CPAMD8: variants seen among roughly 807,000 people sequenced by gnomAD.
The protein encoded by CPAMD8 is C3 and PZP like alpha-2-macroglobulin domain containing 8, also known as C3 and PZP-like alpha-2-macroglobulin domain-containing protein 8.
Under a neutral mutation model 224.7 loss-of-function variants are expected in CPAMD8, and 146 were observed. That is an observed-to-expected ratio of 0.65 (90% CI 0.57 to 0.75). The LOEUF is 0.75. Among genes scored for constraint, CPAMD8 ranks in the 30% least tolerant of loss-of-function variants. CPAMD8 has a pLI of 0.00. For missense variants in CPAMD8, 2,301 were observed against 2,537.5 expected (o/e 0.91, Z 2.00); for synonymous variants, 966 against 1,044.6 (o/e 0.92, Z 1.45).
chr19:16,895,389 T>C (rs1463817334), intron 41 of CPAMD8: 5 of 158,180 alleles, frequency 3.2e-5, no homozygotes, highest in Admixed American at 3.0e-4. Flanking sequence ...AAACTATGGA[T>C]ACACGAAACA....
rs779697866 is a variant in CPAMD8 at position 16,971,053 on chromosome 19, C to G, written c.2071-20G>C. 2 of 1,581,180 alleles carry G rather than the reference C, an allele frequency of 1.3e-6. No homozygotes were observed. Among genetic ancestry groups the G allele is most frequent in the Non-Finnish European group, 1.7e-6 (2 of 1,162,714 alleles). On this transcript the variant is annotated intron_variant, in intron 17 of 41. Transcript: ENST00000443236. ...CGTTTCCTAGGCAACAGACAACACC[C>G]AAACCATTGGTGGGGAAGTGGATGC...
At chr19:16,962,307 G>C (rs534454644) in intron 18 of CPAMD8, among the ~76,000 whole-genome samples, 1 of 152,154 alleles carries the variant, frequency 6.6e-6, no homozygotes, top group Non-Finnish European at 1.5e-5. Context: ...AAGGTTAGAC[G>C]AATGGCTAAC....
At chr19:17,000,042 T>C (rs981470373) in intron 10 of CPAMD8, among the ~76,000 whole-genome samples, 4 of 152,234 alleles carry the variant, frequency 2.6e-5, no homozygotes, top group African/African-American at 2.4e-5. Flanking sequence ...ATATCGATAG[T>C]GGTCATGTCC....
intron 23 of CPAMD8, among the ~76,000 whole-genome samples, 195 bp from the exon 24 acceptor site, chr19:16,929,435 T>G (rs1481069212): frequency 6.6e-6 from 1 of 152,040 alleles, no homozygotes; most frequent in Non-Finnish European, 1.5e-5. Flanking sequence ...CTGGGCAGAG[T>G]AGCTGACACC....
At chr19:17,011,384 A>C (rs1599908419) in intron 5 of CPAMD8, 80 bp downstream of exon 5, 1 of 1,436,204 alleles carries the variant, frequency 7.0e-7, no homozygotes, top group Admixed American at 1.7e-5. Flanking sequence ...GGAGAGAAAG[A>C]CCCGTTTCCG....
At chr19:17,023,244 G>A (rs1490800679) in intron 1 of CPAMD8, among the ~76,000 whole-genome samples, 3 of 152,162 alleles carry the variant, frequency 2.0e-5, no homozygotes, top group African/African-American at 7.2e-5. Flanking sequence ...TGATGCTTCA[G>A]AAGAATAGGA....
chr19:16,924,543 T>C (rs1000727421), intron 26 of CPAMD8, among the ~76,000 whole-genome samples: 7 of 152,106 alleles, frequency 4.6e-5, no homozygotes, highest in Non-Finnish European at 7.4e-5. Flanking sequence ...ATGCCAGACT[T>C]TCAGCCTAGA....
Position 17,026,762 on chromosome 19 carries a change from C to A in CPAMD8, c.-120G>T, listed in dbSNP as rs564519135. On this transcript the variant is annotated 5_prime_UTR_variant, in exon 1 of 42. Transcript: ENST00000443236. ...CCGGGGGCCCTTTGTTCGCAGCCCCCGCGCAGTGCGCCCGGCGCCATGCGC... is the reference window on the plus strand; with the variant it reads ...CCGGGGGCCCTTTGTTCGCAGCCCCAGCGCAGTGCGCCCGGCGCCATGCGC... 340 of 1,178,828 alleles carry A rather than the reference C, an allele frequency of 2.9e-4. 3 individuals carry two copies. The South Asian group carries it at 6.4e-3, about 22-fold the overall frequency. 73.0% of individuals were successfully genotyped at this position (1,178,828 alleles called of 1,614,324 possible).
At chr19:16,913,295 C>T (rs150305793) in intron 29 of CPAMD8, among the ~76,000 whole-genome samples, 8 of 152,210 alleles carry the variant, frequency 5.3e-5, no homozygotes, top group African/African-American at 1.9e-4. Context: ...GCTCTAACTC[C>T]TAATATGATG....
intron 3 of CPAMD8, among the ~76,000 whole-genome samples, chr19:17,015,919 G>C (rs1275380788): frequency 6.6e-6 from 1 of 152,114 alleles, no homozygotes; most frequent in Non-Finnish European, 1.5e-5. Context: ...CCTCCCACAG[G>C]GAGAGAAGGC....
At chr19:16,925,428 A>C in intron 25 of CPAMD8, 56 bp from the exon 26 acceptor site, 1 of 1,395,814 alleles carries the variant, frequency 7.2e-7, no homozygotes, top group South Asian at 1.2e-5. Flanking sequence ...AGTAGAGAAC[A>C]GGGACAGCTT....
chr19:16,940,812 G>A lies in CPAMD8; in HGVS notation c.2794-2366C>T, dbSNP rs187446249. The stretch of plus-strand genomic sequence containing the variant: ...TCATTTGCTAAGCTAGGGGGCACCA[G>A]GGAAGGCCCCAGAAGCATTGCTTAG... On this transcript the variant is annotated intron_variant, in intron 22 of 41. Transcript: ENST00000443236. Among the ~76,000 whole-genome samples the A allele has an allele frequency of 1.5e-3, 231 of 152,308 alleles. 2 individuals are homozygous for A. Among genetic ancestry groups the A allele is most frequent in the African/African-American group, 5.3e-3 (221 of 41,554 alleles).
At chr19:17,008,394 C>A in intron 7 of CPAMD8, 111 bp downstream of exon 7, 1 of 1,350,790 alleles carries the variant, frequency 7.4e-7, no homozygotes, top group Non-Finnish European at 1.0e-6. Context: ...TCCCCTCCAG[C>A]TGGAGCAGCA....
chr19:16,935,930 A>T (rs1461224725), intron 23 of CPAMD8, among the ~76,000 whole-genome samples: 19 of 141,734 alleles, frequency 1.3e-4, no homozygotes, highest in Admixed American at 1.1e-3. Context: ...AGTGTTCACT[A>T]TTTTTTTTTT....
In CPAMD8 at chr19:16,929,040, T is replaced by C. The variant is rs1482466890; in HGVS notation, c.3046A>G (p.Lys1016Glu). ...GCACTGGCCACGGGCTCTCCCATCT[T>C]GCTGGTGGAGATCCATGACCTGGTG... ...QNTRSWISTS[K>E]MGEPVASAHT... The change falls in exon 24 of 42, where the codon AAG becomes GAG. Residue 1016 changes from lysine (K) to glutamate (E), a missense_variant. Coordinates refer to ENST00000443236, the MANE Select transcript of CPAMD8 (RefSeq NM_015692.5). 1 of 1,613,832 alleles carries C rather than the reference T, an allele frequency of 6.2e-7. No homozygotes were observed. Among genetic ancestry groups the C allele is most frequent in the Non-Finnish European group, 8.5e-7 (1 of 1,179,744 alleles).
intron 35 of CPAMD8, 43 bp from the exon 36 acceptor site, chr19:16,901,340 C>T (rs1179657499): frequency 3.0e-6 from 4 of 1,355,656 alleles, no homozygotes; most frequent in South Asian, 2.4e-5. Flanking sequence ...GAGCTCAAGC[C>T]CAGAGGTGGA....
chr19:17,015,905 G>T (rs1005511984), intron 3 of CPAMD8, among the ~76,000 whole-genome samples: 6 of 152,124 alleles, frequency 3.9e-5, no homozygotes. Flanking sequence ...CAGGGAAGAG[G>T]ATGCCTCCCA....
At position 16,911,242 on chromosome 19, in the gene CPAMD8, A is replaced by G. The variant is rs866691740; in HGVS notation, c.3861+3182T>C. On this transcript the variant is annotated intron_variant, in intron 29 of 41. Transcript: ENST00000443236. ...TTTACAGCCACTCCCTATCGCTTGT[A>G]TTACCACCTGAGCTCCACCTCCCAT... Among the ~76,000 whole-genome samples the G allele has an allele frequency of 9.2e-5, 14 of 152,020 alleles. 1 individual carries two copies. The highest frequency in any genetic ancestry group is 5.9e-4 in the Admixed American group (9 of 15,260).
At chr19:16,933,135 G>T (rs185059829) in intron 23 of CPAMD8, among the ~76,000 whole-genome samples, 5 of 152,020 alleles carry the variant, frequency 3.3e-5, no homozygotes, top group Non-Finnish European at 7.4e-5. Context: ...GGCACAGTTG[G>T]CTATCCAAAT....
Sources: gnomAD v4.1 joint callset for allele counts (sites outside exome capture counted in the v4.1 genomes callset) on GRCh38, gnomAD v4.1.1 for gene constraint, MANE v1.5 for transcripts, NCBI Gene and HGNC (gene_info 2026-07-23, HGNC 2026-07-21) for gene names.